DISP3: variants seen among roughly 807,000 people sequenced by gnomAD.
DISP3 encodes the protein dispatched RND transporter family member 3.
A neutral mutation model predicts 135.3 loss-of-function variants in DISP3; 101 were observed. That is an observed-to-expected ratio of 0.75 (90% CI 0.64 to 0.88). The LOEUF is 0.88. DISP3 is among the 40% of genes least tolerant of loss of function. DISP3 has a pLI of 0.00. For synonymous variants in DISP3, 856 were observed against 817.0 expected (o/e 1.05, Z -0.81); for missense variants, 1,713 against 1,878.6 (o/e 0.91, Z 1.63).
chr1:11,502,068 A>T lies in DISP3; in HGVS notation c.1076A>T (p.Gln359Leu), dbSNP rs749197317. 1 of 1,570,828 alleles carries T rather than the reference A, an allele frequency of 6.4e-7. No homozygotes were observed. Among genetic ancestry groups the T allele is most frequent in the East Asian group, 2.3e-5 (1 of 44,388 alleles). Reference sequence around the variant, plus strand: ...AAGATCTACTATGACGGCATGGGCCAGGACCTGGCGGACATCCGGGGTGAG... The same window carrying T: ...AAGATCTACTATGACGGCATGGGCCTGGACCTGGCGGACATCCGGGGTGAG... Reference protein sequence around the residue: ...GGKIYYDGMGQDLADIRGSLE... With the variant: ...GGKIYYDGMGLDLADIRGSLE... The change falls in exon 2 of 21, where the codon CAG becomes CTG. Residue 359 changes from glutamine (Q) to leucine (L), a missense_variant. Physicochemically the swap from Gln to Leu is moderately radical, Grantham distance 113 (BLOSUM62 -2). This residue lies in a region of DISP3 where 571 missense variants were observed against 494.1 expected (regional missense o/e 1.16). Coordinates refer to ENST00000294484, the MANE Select transcript of DISP3 (RefSeq NM_020780.2).
At position 11,491,709 on chromosome 1, in the gene DISP3, A is replaced by T. The variant is rs1276130002; in HGVS notation, c.-3-9281A>T. Among the ~76,000 whole-genome samples the T allele has an allele frequency of 6.6e-6, 1 of 152,212 alleles. No homozygotes were observed. Among genetic ancestry groups the T allele is most frequent in the Non-Finnish European group, 1.5e-5 (1 of 68,042 alleles). On this transcript the variant is annotated intron_variant, in intron 1 of 20. Coordinates refer to ENST00000294484, the MANE Select transcript of DISP3 (RefSeq NM_020780.2). The surrounding 1 kb of genome is among the most constrained non-coding windows in gnomAD (Gnocchi z 4.3). ...AGTTTGCACTTTAACGAGTATGCCT[A>T]GTGACTCCGATTCACGTAAAAGTCC... is the stretch of plus-strand genomic sequence containing the variant.
At chr1:11,486,477 A>G (rs567046477) in intron 1 of DISP3, among the ~76,000 whole-genome samples, 2 of 152,148 alleles carry the variant, frequency 1.3e-5, no homozygotes, top group Non-Finnish European at 2.9e-5. Context: ...GGTTCCCTCC[A>G]AGGGTTTCTG....
intron 1 of DISP3, among the ~76,000 whole-genome samples, chr1:11,497,464 C>T (rs760094705): frequency 1.2e-4 from 19 of 152,092 alleles, no homozygotes; most frequent in Non-Finnish European, 2.6e-4. Flanking sequence ...TCTGGGCTCA[C>T]TGCAAGCTCC....
At chr1:11,506,391 A>T (rs1641706564) in intron 3 of DISP3, among the ~76,000 whole-genome samples, 1 of 151,656 alleles carries the variant, frequency 6.6e-6, no homozygotes, top group South Asian at 2.1e-4. Context: ...AGATCTTTTC[A>T]CTGAGCCCCA....
chr1:11,480,352 C>T (rs1240684781), intron 1 of DISP3, among the ~76,000 whole-genome samples: 5 of 152,168 alleles, frequency 3.3e-5, no homozygotes, highest in African/African-American at 4.8e-5. Context: ...TCCATGCGCA[C>T]ACACATATCT....
rs1640970856 is a variant in DISP3 at position 11,483,980 on chromosome 1, C to T, written c.-4+4608C>T. Among the ~76,000 whole-genome samples, 1 of 152,206 alleles carries T rather than the reference C, an allele frequency of 6.6e-6. No homozygotes were observed. Among genetic ancestry groups the T allele is most frequent in the African/African-American group, 2.4e-5 (1 of 41,458 alleles). On this transcript the variant is annotated intron_variant, in intron 1 of 20. Transcript: ENST00000294484. This position sits in a 1 kb window ranked among gnomAD's most constrained non-coding sequence, Gnocchi z 5.4. ...GGATCTTCCCAGGCAGCCGGACTGG[C>T]TTCCTTGGGTGTGTGGGAATTGTCC...
At chr1:11,527,325 G>T (rs1390467444) in intron 13 of DISP3, among the ~76,000 whole-genome samples, 1 of 152,146 alleles carries the variant, frequency 6.6e-6, no homozygotes, top group South Asian at 2.1e-4. Flanking sequence ...CGAGGTGGGC[G>T]GATCACGAGG....
intron 3 of DISP3, among the ~76,000 whole-genome samples, chr1:11,504,210 A>ACAC (rs1477078574): frequency 6.6e-6 from 1 of 152,206 alleles, no homozygotes; most frequent in Non-Finnish European, 1.5e-5. Context: ...TTTAATTCTC[A>ACAC]CACCAACCCA....
chr1:11,494,644 C>A (rs1641280240), intron 1 of DISP3, among the ~76,000 whole-genome samples: 3 of 152,164 alleles, frequency 2.0e-5, no homozygotes, highest in Admixed American at 2.0e-4. Context: ...GCCCAAAACT[C>A]TCGACCCAAG....
chr1:11,524,534 C>G (rs1251259811), intron 11 of DISP3, among the ~76,000 whole-genome samples: 1 of 151,964 alleles, frequency 6.6e-6, no homozygotes, highest in Non-Finnish European at 1.5e-5. Flanking sequence ...CAGCAGGATG[C>G]CCTCCATCAC....
At chr1:11,486,883 TG>T in intron 1 of DISP3, among the ~76,000 whole-genome samples, 2 of 152,272 alleles carry the variant, frequency 1.3e-5, no homozygotes, top group Middle Eastern at 6.8e-3. Flanking sequence ...CTCCCTATGT[TG>T]CCCAGGCTGG....
rs757382146 is a variant in DISP3 at position 11,517,484 on chromosome 1, G to A, written c.1771G>A (p.Gly591Ser). Residue 591 changes from glycine (G) to serine (S), a missense_variant, in exon 7 of 21, where the codon GGC (glycine) becomes AGC (serine). By Grantham distance (56) the Gly-to-Ser change is moderately conservative. Transcript: ENST00000294484. ...CCAGATCCCAGCCGTCCACGACTTT[G>A]GCCTGTTCATGTCTCTCATCGTGTC... ...FSQIPAVHDF[G>S]LFMSLIVSCC... is the part of the protein sequence containing the mutation. The A allele has an allele frequency of 6.2e-6, 10 of 1,614,190 alleles. No homozygotes were observed. The highest frequency in any genetic ancestry group is 8.5e-6 in the Non-Finnish European group (10 of 1,180,034).
intron 1 of DISP3, among the ~76,000 whole-genome samples, chr1:11,496,781 G>A (rs550311079): frequency 6.6e-6 from 1 of 152,320 alleles, no homozygotes; most frequent in Non-Finnish European, 1.5e-5. Flanking sequence ...CAGACTGGGA[G>A]GTGGGAAGGG....
intron 6 of DISP3, among the ~76,000 whole-genome samples, chr1:11,517,001 T>G (rs1358651364): frequency 6.6e-6 from 1 of 152,188 alleles, no homozygotes; most frequent in Non-Finnish European, 1.5e-5. Context: ...AACTAGCACC[T>G]CCCTGTGTGG....
rs767991605 is a variant in DISP3, at chr1:11,501,540, C to T, written c.548C>T (p.Pro183Leu). 1.3e-6 allele frequency: 2 copies of T among 1,594,186 alleles called. No homozygotes were observed. The highest frequency in any genetic ancestry group is 1.7e-6 in the Non-Finnish European group (2 of 1,169,432). Residue 183 changes from proline (P) to leucine (L), a missense_variant, in exon 2 of 21, where the codon CCA (proline) becomes CTA (leucine). Around this residue, in one of 2 missense-constraint regions of DISP3, gnomAD observed 571 missense variants for 494.1 expected, o/e 1.16. Transcript: ENST00000294484. This position sits in a 1 kb window ranked among gnomAD's most constrained non-coding sequence, Gnocchi z 4.9. ...RVIPAASLGG[P>L]GPYRDTSAAQ... ...ATCCCCGCGGCCTCACTCGGTGGCC[C>T]AGGCCCTTACCGGGACACTTCCGCG...
chr1:11,517,462 G>T lies in DISP3; in HGVS notation c.1750-1G>T. ...ATCCCTCTCTTCCTTTCCATCACCA[G>T]ATCCCAGCCGTCCACGACTTTGGCC... On this transcript the variant is annotated splice_acceptor_variant, in intron 6 of 20. Transcript: ENST00000294484. LOFTEE classifies it high-confidence loss of function. The T allele has an allele frequency of 6.2e-7, 1 of 1,613,976 alleles. No individual in the cohort carries two copies. The highest frequency in any genetic ancestry group is 8.5e-7 in the Non-Finnish European group (1 of 1,179,840).
In DISP3 at chr1:11,519,655, A is replaced by C. The variant is rs1460768746; in HGVS notation, c.2039-64A>C. 9 of 1,582,560 alleles carry C rather than the reference A, an allele frequency of 5.7e-6. No individual in the cohort carries two copies. The highest frequency in any genetic ancestry group is 1.3e-5 in the African/African-American group (1 of 74,538). ...CACCAGGCATCTGGGCTTCCCTGGA[A>C]GCGAGCGTGGACCACAGTGGGCTTT... On this transcript the variant is annotated intron_variant, in intron 8 of 20. Coordinates refer to ENST00000294484, the MANE Select transcript of DISP3 (RefSeq NM_020780.2). The surrounding 1 kb of genome is among the most constrained non-coding windows in gnomAD (Gnocchi z 4.3).
chr1:11,528,909 C>T (rs1376578187), intron 13 of DISP3, among the ~76,000 whole-genome samples: 2 of 152,218 alleles, frequency 1.3e-5, no homozygotes, highest in African/African-American at 4.8e-5. Context: ...GCAGGACAGC[C>T]ACCCACTGGG....
intron 3 of DISP3, among the ~76,000 whole-genome samples, chr1:11,508,379 C>CTGCACTG (rs759024146): frequency 4.6e-5 from 7 of 151,834 alleles, no homozygotes; most frequent in Non-Finnish European, 7.4e-5. Flanking sequence ...GATTGGGCTA[C>CTGCACTG]TGCACTGTAG....
Sources: gnomAD v4.1 joint callset for allele counts (sites outside exome capture counted in the v4.1 genomes callset) on GRCh38, gnomAD v4.1.1 for gene constraint, gnomAD v4.1.1 regional missense constraint, Gnocchi (gnomAD v3.1) non-coding constraint, MANE v1.5 for transcripts, NCBI Gene and HGNC (gene_info 2026-07-23, HGNC 2026-07-21) for gene names.